Variants in KCNK12 observed in about 807,000 individuals in gnomAD.
The protein encoded by KCNK12 is potassium channel subfamily K member 12.
A neutral mutation model predicts 25.3 loss-of-function variants in KCNK12; 6 were observed. The ratio of observed to expected loss-of-function variants is 0.24; its 90% CI spans 0.13 to 0.47. The LOEUF (loss-of-function observed/expected upper bound fraction) is 0.47, where lower values mean the gene tolerates loss of function less well. KCNK12 is among the 20% of genes least tolerant of loss of function. The pLI, the probability that KCNK12 is intolerant of heterozygous loss-of-function variation, is 0.99. For synonymous variants in KCNK12, 331 were observed against 311.1 expected (o/e 1.06, Z -0.67); for missense variants, 444 against 661.7 (o/e 0.67, Z 3.61).
rs1573625983 is a variant in KCNK12 at position 47,525,845 on chromosome 2, C to T, written c.392-4037G>A. 6.6e-6 allele frequency among the ~76,000 whole-genome samples: 1 copy of T among 152,050 alleles called. No homozygotes were observed. The highest frequency in any genetic ancestry group is 6.5e-5 in the Admixed American group (1 of 15,280). On this transcript the variant is annotated intron_variant, in intron 1 of 1. Transcript: ENST00000327876. This position sits in a 1 kb window ranked among gnomAD's most constrained non-coding sequence, Gnocchi z 4.1. ...CTCCCAAGGACCCATAAATAGATGC[C>T]GTGAAAGCACATATGCCTGTTCTAA...
intron 1 of KCNK12, among the ~76,000 whole-genome samples, chr2:47,558,071 T>A (rs548491005): frequency 1.3e-5 from 2 of 152,222 alleles, no homozygotes; most frequent in African/African-American, 4.8e-5. Context: ...GGTGCCTAGG[T>A]AGAGTTGGGA....
chr2:47,565,550 A>C lies in KCNK12; in HGVS notation c.391+4391T>G, dbSNP rs954453357. On this transcript the variant is annotated intron_variant, in intron 1 of 1. Coordinates refer to ENST00000327876, the MANE Select transcript of KCNK12 (RefSeq NM_022055.2). This position sits in a 1 kb window ranked among gnomAD's most constrained non-coding sequence, Gnocchi z 5.0. ...CTTTATAGCTAAAAAACGCTGCCAG[A>C]AAACCTAATAAAAGGAAGCAAAAAT... is the stretch of plus-strand genomic sequence containing the variant. 2.0e-5 allele frequency: 3 copies of C among 152,254 alleles called. No homozygotes were observed. The highest frequency in any genetic ancestry group is 4.4e-5 in the Non-Finnish European group (3 of 68,040). The allele number at this position is 152,254 out of a possible 1,614,324, so 9.4% of individuals were successfully genotyped here.
intron 1 of KCNK12, among the ~76,000 whole-genome samples, chr2:47,537,677 A>G (rs1438480709): frequency 1.3e-5 from 2 of 152,118 alleles, no homozygotes; most frequent in Non-Finnish European, 2.9e-5. Flanking sequence ...AATATTTCAC[A>G]TTTTCTGTGG....
chr2:47,544,893 C>T (rs1669279022), intron 1 of KCNK12, among the ~76,000 whole-genome samples: 2 of 152,224 alleles, frequency 1.3e-5, no homozygotes, highest in Non-Finnish European at 2.9e-5. Flanking sequence ...ACCCAAAATT[C>T]ATCCAGAAAA....
At chr2:47,558,287 C>T (rs1669591143) in intron 1 of KCNK12, among the ~76,000 whole-genome samples, 1 of 152,248 alleles carries the variant, frequency 6.6e-6, no homozygotes, top group African/African-American at 2.4e-5. Context: ...GCCAAACCAG[C>T]AGGAAGTGTG....
Position 47,520,950 on chromosome 2 carries a change from C to T in KCNK12, c.1250G>A (p.Gly417Asp). The change falls in exon 2 of 2, where the codon GGC (glycine) becomes GAC (aspartate). Residue 417 changes from glycine (G) to aspartate (D), a missense_variant. This residue lies in a region of KCNK12 where 57 missense variants were observed against 68.9 expected (regional missense o/e 0.83). Transcript: ENST00000327876. This position sits in a 1 kb window ranked among gnomAD's most constrained non-coding sequence, Gnocchi z 5.0. The stretch of plus-strand genomic sequence containing the variant: ...CTCGGCCAGCCGGTTGTTCATGATG[C>T]CCAGCGCGCCCACGCCGCCCGAGAA... ...NGFSGGVGAL[G>D]IMNNRLAETS... 2 of 1,293,846 alleles carry T rather than the reference C, an allele frequency of 1.5e-6. No individual in the cohort carries two copies. Among genetic ancestry groups the T allele is most frequent in the Non-Finnish European group, 2.0e-6 (2 of 1,018,870 alleles). The allele number at this position is 1,293,846 out of a possible 1,614,324, so 80.1% of individuals were successfully genotyped here. A position where few individuals can be genotyped will look rare whatever the true frequency, so the allele number is the denominator to read the frequency against.
In KCNK12 at chr2:47,560,174, G is replaced by A. The variant is rs913700346; in HGVS notation, c.391+9767C>T. Among the ~76,000 whole-genome samples the A allele has an allele frequency of 3.3e-5, 5 of 152,132 alleles. No individual in the cohort carries two copies. The highest frequency in any genetic ancestry group is 1.2e-4 in the African/African-American group (5 of 41,414). On this transcript the variant is annotated intron_variant, in intron 1 of 1. Coordinates refer to ENST00000327876, the MANE Select transcript of KCNK12 (RefSeq NM_022055.2). This position sits in a 1 kb window ranked among gnomAD's most constrained non-coding sequence, Gnocchi z 4.7. ...TTGGTTTTCTGTCCCGCCTGTCCAT[G>A]CCCACTGCAGCTGTTTCCAGTGCAA...
At chr2:47,544,809 G>C (rs144830047) in intron 1 of KCNK12, among the ~76,000 whole-genome samples, 29 of 152,232 alleles carry the variant, frequency 1.9e-4, no homozygotes, top group Non-Finnish European at 7.4e-5. Flanking sequence ...CCTTTCTGAG[G>C]AATACTATGC....
In KCNK12 at chr2:47,540,602, G is replaced by A. The variant is rs918806229; in HGVS notation, c.392-18794C>T. ...TTCCTGTGTCTTCTGCAAAACCAAA[G>A]AAAAGCCATCACTGCCGATGTCTCT... On this transcript the variant is annotated intron_variant, in intron 1 of 1. Coordinates refer to ENST00000327876, the MANE Select transcript of KCNK12 (RefSeq NM_022055.2). The surrounding 1 kb of genome is among the most constrained non-coding windows in gnomAD (Gnocchi z 5.4). Among the ~76,000 whole-genome samples, 2 of 152,176 alleles carry A rather than the reference G, an allele frequency of 1.3e-5. No individual in the cohort carries two copies. Among genetic ancestry groups the A allele is most frequent in the African/African-American group, 4.8e-5 (2 of 41,436 alleles).
chr2:47,541,628 A>G lies in KCNK12; in HGVS notation c.392-19820T>C, dbSNP rs183034934. On this transcript the variant is annotated intron_variant, in intron 1 of 1. Transcript: ENST00000327876. ...TGCATTGGTAGAAAGGCTTTTTAAA[A>G]AAGGGAATCAAGGTAAAACGAGGCC... Among the ~76,000 whole-genome samples the G allele has an allele frequency of 5.3e-5, 8 of 152,302 alleles. No homozygotes were observed. The East Asian group carries it at 1.5e-3, about 29-fold the overall frequency.
rs1168993408 is a variant in KCNK12 at position 47,566,155 on chromosome 2, A to G, written c.391+3786T>C. Reference sequence around the variant, plus strand: ...GCCTGAACGGCTGCTGAATAATCACAGGCAAAATTTTCCACTGGTACCGCA... The same window carrying G: ...GCCTGAACGGCTGCTGAATAATCACGGGCAAAATTTTCCACTGGTACCGCA... On this transcript the variant is annotated intron_variant, in intron 1 of 1. Coordinates refer to ENST00000327876, the MANE Select transcript of KCNK12 (RefSeq NM_022055.2). The surrounding 1 kb of genome is among the most constrained non-coding windows in gnomAD (Gnocchi z 4.1). 3 of 152,348 alleles carry G rather than the reference A, an allele frequency of 2.0e-5. No homozygotes were observed. In the East Asian group the frequency reaches 5.8e-4, roughly 29 times the overall value. The allele number at this position is 152,348 out of a possible 1,614,324, so 9.4% of individuals were successfully genotyped here.
Position 47,562,499 on chromosome 2 carries a change from G to A in KCNK12, c.391+7442C>T, listed in dbSNP as rs1335140825. 8.3e-6 allele frequency: 2 copies of A among 242,100 alleles called. No individual in the cohort carries two copies. Among genetic ancestry groups the A allele is most frequent in the African/African-American group, 4.4e-5 (2 of 45,738 alleles). 15.0% of individuals were successfully genotyped at this position (242,100 alleles called of 1,614,324 possible). A position where few individuals can be genotyped will look rare whatever the true frequency, so the allele number is the denominator to read the frequency against. On this transcript the variant is annotated intron_variant, in intron 1 of 1. Coordinates refer to ENST00000327876, the MANE Select transcript of KCNK12 (RefSeq NM_022055.2). The surrounding 1 kb of genome is among the most constrained non-coding windows in gnomAD (Gnocchi z 4.8). ...CCATGTTGGGGGTTGGCCAAGCGCA[G>A]GGAGGAGGCAGCACTCACAAGACAG... is the stretch of plus-strand genomic sequence containing the variant.
rs1669334741 is a variant in KCNK12 at position 47,547,297 on chromosome 2, G to C, written c.391+22644C>G. Among the ~76,000 whole-genome samples the C allele has an allele frequency of 6.6e-6, 1 of 152,184 alleles. No individual in the cohort carries two copies. The highest frequency in any genetic ancestry group is 6.5e-5 in the Admixed American group (1 of 15,272). ...GCAACTGAAATTACTCTCATGAGGA[G>C]TTTTACAAAATGCTAATTCATAAGC... On this transcript the variant is annotated intron_variant, in intron 1 of 1. Coordinates refer to ENST00000327876, the MANE Select transcript of KCNK12 (RefSeq NM_022055.2). The surrounding 1 kb of genome is among the most constrained non-coding windows in gnomAD (Gnocchi z 5.0).
chr2:47,562,797 G>A lies in KCNK12; in HGVS notation c.391+7144C>T, dbSNP rs180816618. The A allele has an allele frequency of 3.0e-5, 7 of 233,082 alleles. No individual in the cohort carries two copies. Among genetic ancestry groups the A allele is most frequent in the East Asian group, 1.2e-4 (2 of 16,568 alleles). The allele number at this position is 233,082 out of a possible 1,614,324, so 14.4% of individuals were successfully genotyped here. On this transcript the variant is annotated intron_variant, in intron 1 of 1. Coordinates refer to ENST00000327876, the MANE Select transcript of KCNK12 (RefSeq NM_022055.2). The surrounding 1 kb of genome is among the most constrained non-coding windows in gnomAD (Gnocchi z 4.8). ...CCCCTGTTCCTCACCAACTCTCCCC[G>A]TGTAGAAACTCTGCAGAGAGTATGA...
At position 47,511,013 on chromosome 2, in the gene KCNK12, T is replaced by C. The variant is rs1224470757; in HGVS notation, c.*9894A>G. On this transcript the variant is annotated 3_prime_UTR_variant, in exon 2 of 2. Coordinates refer to ENST00000327876, the MANE Select transcript of KCNK12 (RefSeq NM_022055.2). This position sits in a 1 kb window ranked among gnomAD's most constrained non-coding sequence, Gnocchi z 4.3. ...CCAACATGTCCTAGCTCCTAGACCA[T>C]AGAGGGCCAGATTCATGTCTCATTG... The C allele has an allele frequency of 6.6e-6, 1 of 152,200 alleles. No individual in the cohort carries two copies. Among genetic ancestry groups the C allele is most frequent in the Non-Finnish European group, 1.5e-5 (1 of 68,048 alleles). The allele number at this position is 152,200 out of a possible 1,614,324, so 9.4% of individuals were successfully genotyped here.
In KCNK12 at chr2:47,556,901, C is replaced by G. The variant is rs753124419; in HGVS notation, c.391+13040G>C. Among the ~76,000 whole-genome samples, 18 of 152,074 alleles carry G rather than the reference C, an allele frequency of 1.2e-4. No homozygotes were observed. Among genetic ancestry groups the G allele is most frequent in the Non-Finnish European group, 1.8e-4 (12 of 68,034 alleles). On this transcript the variant is annotated intron_variant, in intron 1 of 1. Transcript: ENST00000327876. The surrounding 1 kb of genome is among the most constrained non-coding windows in gnomAD (Gnocchi z 4.8). ...AGAGTCAAAAACTTTGAAGGTAATGCAGTTACTAGTAATAGCAAGGACATA... is the reference window on the plus strand; with the variant it reads ...AGAGTCAAAAACTTTGAAGGTAATGGAGTTACTAGTAATAGCAAGGACATA...
At chr2:47,568,132 C>T (rs953943764) in intron 1 of KCNK12, among the ~76,000 whole-genome samples, 1 of 152,028 alleles carries the variant, frequency 6.6e-6, no homozygotes. Flanking sequence ...ATTAGGAAGC[C>T]GGAACATGTC....
chr2:47,549,609 T>A (rs745878891), intron 1 of KCNK12, among the ~76,000 whole-genome samples: 19 of 151,928 alleles, frequency 1.3e-4, no homozygotes, highest in Admixed American at 6.6e-4. Flanking sequence ...ATGGGAAAAA[T>A]TTTTTTAAAA....
In KCNK12 at chr2:47,509,418, A is replaced by C. The variant is rs1053193793; in HGVS notation, c.*11489T>G. ...GGTCTTTGAAAACCAACAGATTGCA[A>C]ATTCTCTGTCCCATAGCAGGAAACC... On this transcript the variant is annotated 3_prime_UTR_variant, in exon 2 of 2. Coordinates refer to ENST00000327876, the MANE Select transcript of KCNK12 (RefSeq NM_022055.2). Among the ~76,000 whole-genome samples, 3 of 152,306 alleles carry C rather than the reference A, an allele frequency of 2.0e-5. No individual in the cohort carries two copies. The highest frequency in any genetic ancestry group is 6.5e-5 in the Admixed American group (1 of 15,300).
Sources: gnomAD v4.1 joint callset for allele counts (sites outside exome capture counted in the v4.1 genomes callset) on GRCh38, gnomAD v4.1.1 for gene constraint, gnomAD v4.1.1 regional missense constraint, Gnocchi (gnomAD v3.1) non-coding constraint, MANE v1.5 for transcripts, NCBI Gene and HGNC (gene_info 2026-07-23, HGNC 2026-07-21) for gene names.